RBPJ: variants seen among roughly 807,000 people sequenced by gnomAD.
RBPJ encodes the protein recombination signal binding protein for immunoglobulin kappa J region.
RBPJ carries 9 observed loss-of-function variants against 67.8 expected under a neutral mutation model. The ratio of observed to expected loss-of-function variants is 0.13; its 90% CI spans 0.08 to 0.23. The LOEUF (loss-of-function observed/expected upper bound fraction) is 0.23, where lower values mean the gene tolerates loss of function less well. Ranked by LOEUF, RBPJ falls within the 10% of genes least tolerant of loss-of-function variation. The pLI is 1.00. For synonymous variants in RBPJ, 198 were observed against 203.3 expected (o/e 0.97, Z 0.22); for missense variants, 305 against 595.6 (o/e 0.51, Z 5.08).
chr4:26,227,980 G>A (rs142800388), intron 1 of RBPJ, among the ~76,000 whole-genome samples: 8 of 152,290 alleles, frequency 5.3e-5, no homozygotes, highest in African/African-American at 1.9e-4. Flanking sequence ...CAGCGTCACC[G>A]TGATGCGCAA....
At chr4:26,150,487 G>T in the RBPJ span, among the ~76,000 whole-genome samples, 1 of 152,218 alleles carries the variant, frequency 6.6e-6, no homozygotes, top group Non-Finnish European at 1.5e-5. Flanking sequence ...CTTACAGTGT[G>T]TTGGGCGCTG....
At chr4:26,412,284 G>A (rs1262200971) in intron 3 of RBPJ, among the ~76,000 whole-genome samples, 1 of 152,144 alleles carries the variant, frequency 6.6e-6, no homozygotes, top group Non-Finnish European at 1.5e-5. Context: ...CCAGGCTGGA[G>A]TACAGTGGCA....
chr4:26,430,324 A>T lies in RBPJ; in HGVS notation c.1045-95A>T. 8.8e-7 allele frequency: 1 copy of T among 1,138,838 alleles called. No individual in the cohort carries two copies. The highest frequency in any genetic ancestry group is 1.3e-5 in the South Asian group (1 of 74,480). 70.5% of individuals were successfully genotyped at this position (1,138,838 alleles called of 1,614,324 possible). ...AAAACATTTTAATTGCCCTTTTTTA[A>T]AAAAAACAAATGAAAGTTGAATGAG... On this transcript the variant is annotated intron_variant, in intron 9 of 10. Transcript: ENST00000355476. This position sits in a 1 kb window ranked among gnomAD's most constrained non-coding sequence, Gnocchi z 4.1.
At chr4:26,373,179 G>A (rs547782637) in intron 1 of RBPJ, among the ~76,000 whole-genome samples, 38 of 152,178 alleles carry the variant, frequency 2.5e-4, no homozygotes, top group African/African-American at 8.9e-4. Flanking sequence ...AAAATGTTTT[G>A]GAAATCTCTT....
chr4:26,348,555 A>G (rs1726424856), intron 1 of RBPJ, among the ~76,000 whole-genome samples: 1 of 152,204 alleles, frequency 6.6e-6, no homozygotes, highest in Non-Finnish European at 1.5e-5. Flanking sequence ...CATGTACCCC[A>G]ATATATGTGA....
At chr4:26,203,348 C>T (rs1278015111) in intron 1 of RBPJ, among the ~76,000 whole-genome samples, 1 of 152,228 alleles carries the variant, frequency 6.6e-6, no homozygotes, top group Non-Finnish European at 1.5e-5. Context: ...CTCATTTCCT[C>T]ACCTTCCTCA....
chr4:26,310,592 T>C (rs1186993930), intron 1 of RBPJ, among the ~76,000 whole-genome samples: 2 of 152,046 alleles, frequency 1.3e-5, no homozygotes, highest in Non-Finnish European at 2.9e-5. Flanking sequence ...TTGTCATTTC[T>C]GAGTGGGGAT....
intron 1 of RBPJ, among the ~76,000 whole-genome samples, chr4:26,265,124 A>G (rs1720660473): frequency 6.6e-6 from 1 of 152,172 alleles, no homozygotes; most frequent in Admixed American, 6.5e-5. Context: ...TTTCTTTGGA[A>G]ACTGAATGGG....
chr4:26,170,403 T>C (rs1716526799), intron 1 of RBPJ, among the ~76,000 whole-genome samples: 1 of 151,876 alleles, frequency 6.6e-6, no homozygotes, highest in African/African-American at 2.4e-5. Flanking sequence ...TAGCTGGGTA[T>C]TGTGGTGCAT....
chr4:26,298,744 C>T (rs900230619), intron 1 of RBPJ, among the ~76,000 whole-genome samples: 8 of 152,052 alleles, frequency 5.3e-5, no homozygotes, highest in Non-Finnish European at 1.2e-4. Context: ...TGATTCAGGG[C>T]GGGTTGTTGG....
At chr4:26,115,541 C>A in the RBPJ span, among the ~76,000 whole-genome samples, 8 of 152,256 alleles carry the variant, frequency 5.3e-5, no homozygotes, top group African/African-American at 1.9e-4. Flanking sequence ...CGTGTCACCA[C>A]GTCCAGCTAA....
chr4:26,386,353 G>A lies in RBPJ; in HGVS notation c.21G>A (p.Gly7=). The change falls in exon 2 of 11, where the codon GGG becomes GGA. Residue 7 remains glycine (G), a splice_region_variant and synonymous_variant. Coordinates refer to ENST00000355476, the MANE Select transcript of RBPJ (RefSeq NM_015874.6). ...ATTTTCTTTATTTTTTTTTTTCCAG[G>A]AAATTTGGTGAGCGGCCTCCACCTA... is the stretch of plus-strand genomic sequence containing the variant. MAPVVT[G]KFGERPPPKR... 6.3e-7 allele frequency: 1 copy of A among 1,595,588 alleles called. No homozygotes were observed. The highest frequency in any genetic ancestry group is 1.4e-5 in the African/African-American group (1 of 73,678).
the RBPJ span, among the ~76,000 whole-genome samples, chr4:26,138,372 A>AG: frequency 7.1e-5 from 5 of 70,916 alleles, no homozygotes; most frequent in Admixed American, 1.9e-4. Flanking sequence ...CTGGCACTAG[A>AG]GAAAAAAAAA....
chr4:26,240,129 C>T (rs1577505539), intron 1 of RBPJ, among the ~76,000 whole-genome samples: 1 of 152,300 alleles, frequency 6.6e-6, no homozygotes, highest in East Asian at 1.9e-4. Flanking sequence ...GCCCAATTAA[C>T]ACTGAATTTC....
chr4:26,131,251 C>T, the RBPJ span, among the ~76,000 whole-genome samples: 3 of 152,202 alleles, frequency 2.0e-5, no homozygotes, highest in Admixed American at 2.0e-4. Context: ...TACTAGGTTA[C>T]AAGGTGGTTG....
At chr4:26,219,076 A>G (rs1718816313) in intron 1 of RBPJ, among the ~76,000 whole-genome samples, 1 of 152,206 alleles carries the variant, frequency 6.6e-6, no homozygotes, top group African/African-American at 2.4e-5. Flanking sequence ...CAAAAAGGGA[A>G]GCAATACCGT....
chr4:26,336,809 C>T (rs1724882939), intron 1 of RBPJ, among the ~76,000 whole-genome samples: 1 of 151,808 alleles, frequency 6.6e-6, no homozygotes, highest in Non-Finnish European at 1.5e-5. Flanking sequence ...AAGGAAAAAA[C>T]GTAATTCTAC....
At chr4:26,298,711 TTGGTATTATTAACAGTGGAGACTGATTCA>T (rs1395870825) in intron 1 of RBPJ, among the ~76,000 whole-genome samples, 1 of 152,160 alleles carries the variant, frequency 6.6e-6, no homozygotes, top group Non-Finnish European at 1.5e-5. Context: ...GCACATTAGT[TTGGTATTATTAACAGTGGAGACTGATTCA>T]GGGCGGGTTG....
chr4:26,282,134 CTCTTTTT>C (rs1414379738), intron 1 of RBPJ, among the ~76,000 whole-genome samples: 15 of 126,608 alleles, frequency 1.2e-4, no homozygotes, highest in African/African-American at 2.9e-4. Context: ...CTCTCTCTCT[CTCTTTTT>C]TTTTTTTTTT....
Sources: allele counts gnomAD v4.1 joint callset (sites outside exome capture counted in the v4.1 genomes callset), GRCh38; gene constraint gnomAD v4.1.1; non-coding constraint Gnocchi (gnomAD v3.1); transcripts MANE v1.5; gene names NCBI Gene and HGNC (gene_info 2026-07-23, HGNC 2026-07-21).